SORCS1: variants seen among roughly 807,000 people sequenced by gnomAD.
The protein encoded by SORCS1 is sortilin related VPS10 domain containing receptor 1, also known as VPS10 domain-containing receptor SorCS1.
SORCS1 carries 60 observed loss-of-function variants against 146.1 expected under a neutral mutation model. The observed-to-expected ratio is 0.41, with a 90% CI of 0.33 to 0.51. The LOEUF is 0.51. Among genes scored for constraint, SORCS1 ranks in the 20% least tolerant of loss-of-function variants. The pLI, the probability that SORCS1 is intolerant of heterozygous loss-of-function variation, is 0.21. For synonymous variants in SORCS1, 637 were observed against 584.0 expected (o/e 1.09, Z -1.31); for missense variants, 1,352 against 1,487.6 (o/e 0.91, Z 1.50).
chr10:106,607,798 C>A (rs889586599), intron 22 of SORCS1, among the ~76,000 whole-genome samples: 1 of 152,150 alleles, frequency 6.6e-6, no homozygotes, highest in East Asian at 1.9e-4. Flanking sequence ...CGTCAGCCCA[C>A]TGGAGTTACT....
intron 23 of SORCS1, 68 bp downstream of exon 23, chr10:106,607,098 A>G: frequency 6.3e-7 from 1 of 1,576,282 alleles, no homozygotes; most frequent in South Asian, 1.2e-5. Flanking sequence ...TCAGAAATGG[A>G]GGCTTAGAAA....
intron 24 of SORCS1, among the ~76,000 whole-genome samples, chr10:106,585,361 T>G (rs1219820038): frequency 6.6e-6 from 1 of 152,196 alleles, no homozygotes; most frequent in Non-Finnish European, 1.5e-5. Flanking sequence ...CTCATAAAAC[T>G]TCCAGTCCTG....
At chr10:107,111,767 G>A (rs939345338) in intron 1 of SORCS1, among the ~76,000 whole-genome samples, 1 of 151,998 alleles carries the variant, frequency 6.6e-6, no homozygotes, top group Non-Finnish European at 1.5e-5. Context: ...AGAAACTCCA[G>A]GACACATTAT....
At chr10:107,073,612 C>A (rs1303535357) in intron 1 of SORCS1, among the ~76,000 whole-genome samples, 3 of 152,080 alleles carry the variant, frequency 2.0e-5, no homozygotes, top group African/African-American at 4.8e-5. Context: ...TCTTAGTATC[C>A]CTATTTTACA....
intron 18 of SORCS1, among the ~76,000 whole-genome samples, chr10:106,641,974 T>C (rs1849100158): frequency 6.6e-6 from 1 of 152,106 alleles, no homozygotes; most frequent in Non-Finnish European, 1.5e-5. Flanking sequence ...GAATGAAAAG[T>C]ACATGATATA....
intron 1 of SORCS1, among the ~76,000 whole-genome samples, chr10:107,051,968 C>T (rs1411492645): frequency 6.6e-6 from 1 of 152,164 alleles, no homozygotes; most frequent in Non-Finnish European, 1.5e-5. Flanking sequence ...TTATGGACTA[C>T]TGGTGTTGCA....
intron 1 of SORCS1, among the ~76,000 whole-genome samples, chr10:107,031,769 G>A (rs961892246): frequency 1.3e-5 from 2 of 151,908 alleles, no homozygotes; most frequent in African/African-American, 4.8e-5. Flanking sequence ...CACCATGCCT[G>A]GCCAAAATGA....
chr10:106,605,420 G>A lies in SORCS1; in HGVS notation c.3165+1746C>T, dbSNP rs1181611277. Among the ~76,000 whole-genome samples, 3 of 152,104 alleles carry A rather than the reference G, an allele frequency of 2.0e-5. No homozygotes were observed. The East Asian group carries it at 5.8e-4, about 29-fold the overall frequency. ...GAAATAAAAGTGCACAGATGATGTGGTAACTAGGAAAAAAAGGTGACTCTA... is the reference window on the plus strand; with the variant it reads ...GAAATAAAAGTGCACAGATGATGTGATAACTAGGAAAAAAAGGTGACTCTA... On this transcript the variant is annotated intron_variant, in intron 23 of 25. Transcript: ENST00000263054.
chr10:107,057,210 G>T (rs1960727775), intron 1 of SORCS1, among the ~76,000 whole-genome samples: 2 of 152,146 alleles, frequency 1.3e-5, no homozygotes, highest in Non-Finnish European at 1.5e-5. Context: ...TTATGAAAGA[G>T]ATCCATCCCC....
chr10:106,608,963 C>T (rs10786958), intron 22 of SORCS1, among the ~76,000 whole-genome samples: 104,480 of 152,060 alleles, frequency 0.69, 38,290 homozygotes, highest in Non-Finnish European at 0.82. Context: ...AGAAGTGACA[C>T]GACTTGGAAC....
chr10:106,636,544 A>G (rs542432004), intron 18 of SORCS1, among the ~76,000 whole-genome samples: 1 of 152,158 alleles, frequency 6.6e-6, no homozygotes, highest in African/African-American at 2.4e-5. Context: ...TGGAAGGGAA[A>G]GCAGGCACGT....
chr10:107,014,253 C>CAA lies in SORCS1; in HGVS notation c.559-57675_559-57674dup, dbSNP rs562179526. 6.9e-4 allele frequency among the ~76,000 whole-genome samples: 55 copies of CAA among 79,308 alleles called. 1 individual carries two copies. Among genetic ancestry groups the CAA allele is most frequent in the African/African-American group, 2.3e-3 (37 of 15,926 alleles). The allele number at this position is 79,308 out of a possible 152,430, so 52.0% of individuals were successfully genotyped here. A position where few individuals can be genotyped will look rare whatever the true frequency, so the allele number is the denominator to read the frequency against. On this transcript the variant is annotated intron_variant, in intron 1 of 25. Coordinates refer to ENST00000263054, the MANE Select transcript of SORCS1 (RefSeq NM_052918.5). ...GACCAGACAGAGGGAGACCCTGCGT[C>CAA]AAAAAAAAAAAAAAAAAAAGAAAAG...
At chr10:106,826,958 C>T (rs574459325) in intron 3 of SORCS1, among the ~76,000 whole-genome samples, 5 of 152,296 alleles carry the variant, frequency 3.3e-5, no homozygotes, top group South Asian at 2.1e-4. Context: ...CCCTTTTAAA[C>T]GTCCTTCAGA....
intron 3 of SORCS1, among the ~76,000 whole-genome samples, chr10:106,806,757 A>T (rs548782337): frequency 6.6e-6 from 1 of 151,808 alleles, no homozygotes; most frequent in Non-Finnish European, 1.5e-5. Flanking sequence ...CCTCGTGATC[A>T]GCCCACCCTG....
intron 5 of SORCS1, among the ~76,000 whole-genome samples, chr10:106,742,726 T>C (rs1857448976): frequency 6.6e-6 from 1 of 152,174 alleles, no homozygotes. Flanking sequence ...AACCAAGTTG[T>C]GACTGCATTT....
intron 17 of SORCS1, among the ~76,000 whole-genome samples, chr10:106,661,390 G>A (rs755461110): frequency 5.5e-4 from 84 of 152,134 alleles, no homozygotes; most frequent in Non-Finnish European, 1.0e-3. Context: ...TTTATGAGCC[G>A]CATAGGTTAC....
At chr10:106,967,227 T>C (rs1955536967) in intron 1 of SORCS1, among the ~76,000 whole-genome samples, 1 of 152,216 alleles carries the variant, frequency 6.6e-6, no homozygotes, top group African/African-American at 2.4e-5. Flanking sequence ...TCCCGTTCTT[T>C]ATTTTGAATA....
intron 2 of SORCS1, among the ~76,000 whole-genome samples, chr10:106,930,410 C>T (rs1043660903): frequency 1.3e-5 from 2 of 152,180 alleles, no homozygotes; most frequent in East Asian, 1.9e-4. Flanking sequence ...CATCAGCTAC[C>T]CTGCAAAATA....
intron 9 of SORCS1, among the ~76,000 whole-genome samples, chr10:106,694,741 A>C (rs1183206491): frequency 2.0e-5 from 3 of 152,190 alleles, no homozygotes; most frequent in Non-Finnish European, 2.9e-5. Flanking sequence ...TGTGTAACAG[A>C]ACATGCCCTG....
Sources: gnomAD v4.1 joint callset for allele counts (sites outside exome capture counted in the v4.1 genomes callset) on GRCh38, gnomAD v4.1.1 for gene constraint, MANE v1.5 for transcripts, NCBI Gene and HGNC (gene_info 2026-07-23, HGNC 2026-07-21) for gene names.